The following LUM variants were observed in gnomAD, a reference collection of about 807,000 sequenced individuals.
LUM encodes the protein lumican, also known as KSPG lumican.
A neutral mutation model predicts 20.5 loss-of-function variants in LUM; 13 were observed. The observed-to-expected ratio is 0.63, with a 90% confidence interval of 0.41 to 1.01. The LOEUF (loss-of-function observed/expected upper bound fraction) is 1.01, where lower values mean the gene tolerates loss of function less well. LUM is among the 50% of genes least tolerant of loss of function. The pLI is 0.00. For missense variants in LUM, 321 were observed against 391.1 expected (o/e 0.82, Z 1.51); for synonymous variants, 173 against 151.5 (o/e 1.14, Z -1.04).
chr12:91,104,204 A>G lies in LUM; in HGVS notation c.978T>C (p.Tyr326=), dbSNP rs1427064216. 2 of 1,612,950 alleles carry G rather than the reference A, an allele frequency of 1.2e-6. No individual in the cohort carries two copies. The highest frequency in any genetic ancestry group is 1.7e-6 in the Non-Finnish European group (2 of 1,179,110). Residue 326 remains tyrosine, a synonymous_variant, in exon 3 of 3, where the codon TAT becomes TAC. Coordinates refer to ENST00000266718, the MANE Select transcript of LUM (RefSeq NM_002345.4). ...ISETSLPPDM[Y]ECLRVANEVT... is the part of the protein sequence containing the mutation. ...CTTCGTTAGCAACACGTAGACATTC[A>G]TACATATCCGGTGGAAGACTGGTTT...
Position 91,103,365 on chromosome 12 carries a change from T to G in LUM, c.*800A>C, listed in dbSNP as rs1206412643. The G allele has an allele frequency of 6.6e-6, 1 of 152,176 alleles. No individual in the cohort carries two copies. Among genetic ancestry groups the G allele is most frequent in the Non-Finnish European group, 1.5e-5 (1 of 67,938 alleles). 9.4% of individuals were successfully genotyped at this position (152,176 alleles called of 1,614,324 possible). On this transcript the variant is annotated 3_prime_UTR_variant, in exon 3 of 3. Transcript: ENST00000266718. ...TAAGTTGTGAAATCTAAGTACCTATTATAGGTGTTTTTAAGAACTCTTTGT... is the reference window on the plus strand; with the variant it reads ...TAAGTTGTGAAATCTAAGTACCTATGATAGGTGTTTTTAAGAACTCTTTGT...
chr12:91,104,500 A>G (rs542471984), intron 2 of LUM, among the ~76,000 whole-genome samples, 181 bp from the exon 3 acceptor site: 2 of 152,194 alleles, frequency 1.3e-5, no homozygotes, highest in Non-Finnish European at 2.9e-5. Flanking sequence ...AAAATGGCAC[A>G]GTAACATTTA....
chr12:91,105,687 T>C (rs73358035), intron 2 of LUM, among the ~76,000 whole-genome samples: 4,062 of 152,302 alleles, frequency 0.027, 204 homozygotes, highest in African/African-American at 0.093. Flanking sequence ...AACTATTATG[T>C]TACCTTTTCA....
chr12:91,111,095 A>T (rs147848362), intron 1 of LUM, among the ~76,000 whole-genome samples: 2 of 152,316 alleles, frequency 1.3e-5, no homozygotes, highest in East Asian at 3.9e-4. Context: ...TAACTAGCAT[A>T]CATAACAAAC....
At chr12:91,105,922 C>T (rs1565757817) in intron 2 of LUM, among the ~76,000 whole-genome samples, 1 of 152,206 alleles carries the variant, frequency 6.6e-6, no homozygotes, top group Non-Finnish European at 1.5e-5. Context: ...CCTTAAGCAT[C>T]GTAAATTCCT....
Position 91,103,042 on chromosome 12 carries a change from G to C in LUM, c.*1123C>G, listed in dbSNP as rs1879942869. ...AAGTTATTTTTATAAATTATATGCA[G>C]AGTATTTATCATTGTATAGAATTGT... On this transcript the variant is annotated 3_prime_UTR_variant, in exon 3 of 3. Transcript: ENST00000266718. 1 of 152,036 alleles carries C rather than the reference G, an allele frequency of 6.6e-6. No individual in the cohort carries two copies. Among genetic ancestry groups the C allele is most frequent in the African/African-American group, 2.4e-5 (1 of 41,430 alleles). 9.4% of individuals were successfully genotyped at this position (152,036 alleles called of 1,614,324 possible).
At position 91,102,866 on chromosome 12, in the gene LUM, G is replaced by A. The variant is rs546194520; in HGVS notation, c.*1299C>T. On this transcript the variant is annotated 3_prime_UTR_variant, in exon 3 of 3. Coordinates refer to ENST00000266718, the MANE Select transcript of LUM (RefSeq NM_002345.4). The stretch of plus-strand genomic sequence containing the variant: ...CCATAAGATAGAGTTCACTAAAAGT[G>A]GTGTGTTAAAACATTTTATGCCTTA... 6.6e-6 allele frequency: 1 copy of A among 152,026 alleles called. No homozygotes were observed. The highest frequency in any genetic ancestry group is 1.5e-5 in the Non-Finnish European group (1 of 67,954). 9.4% of individuals were successfully genotyped at this position (152,026 alleles called of 1,614,324 possible).
intron 1 of LUM, among the ~76,000 whole-genome samples, chr12:91,110,777 TCA>T (rs929074118): frequency 6.6e-5 from 10 of 152,150 alleles, no homozygotes; most frequent in African/African-American, 2.4e-4. Context: ...TGTACTACCC[TCA>T]GTTTTTTCAA....
intron 2 of LUM, among the ~76,000 whole-genome samples, chr12:91,105,212 A>C (rs1014770066): frequency 7.9e-5 from 12 of 152,154 alleles, no homozygotes; most frequent in African/African-American, 2.9e-4. Flanking sequence ...TGGAAAGAAG[A>C]TGGGCATAGT....
intron 2 of LUM, among the ~76,000 whole-genome samples, chr12:91,107,225 A>AAG: frequency 2.6e-5 from 1 of 37,788 alleles, no homozygotes; most frequent in East Asian, 5.0e-4. Context: ...GAGAGAAAGA[A>AAG]GAAAGAAAGA....
chr12:91,106,080 T>G (rs1880024692), intron 2 of LUM, among the ~76,000 whole-genome samples: 1 of 152,168 alleles, frequency 6.6e-6, no homozygotes, highest in Non-Finnish European at 1.5e-5. Flanking sequence ...TGTGTGACAG[T>G]CAAACAGCAC....
At position 91,111,043 on chromosome 12, in the gene LUM, T is replaced by C. The variant is rs377346746; in HGVS notation, c.-22+355A>G. Among the ~76,000 whole-genome samples the C allele has an allele frequency of 1.1e-4, 17 of 152,338 alleles. 1 individual carries two copies. In the East Asian group the frequency reaches 1.7e-3, roughly 16 times the overall value. On this transcript the variant is annotated intron_variant, in intron 1 of 2. Transcript: ENST00000266718. The stretch of plus-strand genomic sequence containing the variant: ...TTTTGAATGCTGATTAAAATGACTT[T>C]TCTTTGCTCCAGTATTAGGGTCCAA...
rs1879958190 is a variant in LUM at position 91,103,524 on chromosome 12, T to C, written c.*641A>G. On this transcript the variant is annotated 3_prime_UTR_variant, in exon 3 of 3. Transcript: ENST00000266718. The stretch of plus-strand genomic sequence containing the variant: ...TATTTTATATACAAAGTACAGAAAT[T>C]TCACAAGAAGTCAAACACAGTGATG... 1 of 152,078 alleles carries C rather than the reference T, an allele frequency of 6.6e-6. No homozygotes were observed. Among genetic ancestry groups the C allele is most frequent in the Non-Finnish European group, 1.5e-5 (1 of 67,954 alleles). The allele number at this position is 152,078 out of a possible 1,614,324, so 9.4% of individuals were successfully genotyped here.
At position 91,102,777 on chromosome 12, in the gene LUM, C is replaced by A. The variant is rs535161361; in HGVS notation, c.*1388G>T. 1.3e-5 allele frequency: 2 copies of A among 152,172 alleles called. No homozygotes were observed. The highest frequency in any genetic ancestry group is 3.9e-4 in the East Asian group (2 of 5,184). The allele number at this position is 152,172 out of a possible 1,614,324, so 9.4% of individuals were successfully genotyped here. ...ATACACATTGTACCTAATGTAATATCCATCGCACATATCTGCCAGTCAACT... is the reference window on the plus strand; with the variant it reads ...ATACACATTGTACCTAATGTAATATACATCGCACATATCTGCCAGTCAACT... On this transcript the variant is annotated 3_prime_UTR_variant, in exon 3 of 3. Coordinates refer to ENST00000266718, the MANE Select transcript of LUM (RefSeq NM_002345.4).
At chr12:91,107,440 C>A (rs1227147425) in intron 2 of LUM, among the ~76,000 whole-genome samples, 1 of 151,834 alleles carries the variant, frequency 6.6e-6, no homozygotes, top group Non-Finnish European at 1.5e-5. Context: ...GCCAACTGTG[C>A]CACTTTTGAA....
At chr12:91,106,689 C>CAAA (rs1565758034) in intron 2 of LUM, among the ~76,000 whole-genome samples, 12 of 4,686 alleles carry the variant, frequency 2.6e-3, no homozygotes, top group African/African-American at 7.8e-3. Context: ...TATTTTTCTT[C>CAAA]TAAAAAAAAA....
intron 1 of LUM, among the ~76,000 whole-genome samples, chr12:91,110,994 T>C (rs969130015): frequency 6.6e-6 from 1 of 152,230 alleles, no homozygotes; most frequent in African/African-American, 2.4e-5. Flanking sequence ...TAACAAATTG[T>C]CACAATATGC....
At chr12:91,109,893 G>A (rs1001659265) in intron 1 of LUM, among the ~76,000 whole-genome samples, 12 of 152,110 alleles carry the variant, frequency 7.9e-5, no homozygotes, top group Non-Finnish European at 1.5e-4. Context: ...CTGGCTTTTA[G>A]TGGCCTCACA....
chr12:91,107,287 GAGAAAGAAAGAA>G (rs869096187), intron 2 of LUM, among the ~76,000 whole-genome samples: 98 of 61,280 alleles, frequency 1.6e-3, no homozygotes, highest in Non-Finnish European at 2.1e-3. Context: ...AAGAAAGAAA[GAGAAAGAAAGAA>G]AGAAAGAAAG....
Sources: allele counts gnomAD v4.1 joint callset (sites outside exome capture counted in the v4.1 genomes callset), GRCh38; gene constraint gnomAD v4.1.1; transcripts MANE v1.5; gene names NCBI Gene and HGNC (gene_info 2026-07-23, HGNC 2026-07-21).